The following NEGR1 variants were observed in gnomAD, a reference collection of about 807,000 sequenced individuals.
The protein encoded by NEGR1 is neuronal growth regulator 1.
NEGR1 carries 10 observed loss-of-function variants against 40.9 expected under a neutral mutation model. That is an observed-to-expected ratio of 0.24 (90% CI 0.15 to 0.42). NEGR1 has a LOEUF of 0.42. Ranked by LOEUF, NEGR1 falls within the 10% of genes least tolerant of loss-of-function variation. NEGR1 has a pLI of 1.00. For missense variants in NEGR1, 352 were observed against 438.9 expected (o/e 0.80, Z 1.77); for synonymous variants, 185 against 166.8 (o/e 1.11, Z -0.84).
At chr1:71,658,576 T>C (rs1360590313) in intron 4 of NEGR1, among the ~76,000 whole-genome samples, 1 of 152,140 alleles carries the variant, frequency 6.6e-6, no homozygotes, top group Non-Finnish European at 1.5e-5. Flanking sequence ...ATCTCATGCA[T>C]GTAATTTCTT....
At chr1:71,902,705 T>C (rs571805199) in intron 2 of NEGR1, among the ~76,000 whole-genome samples, 1 of 152,294 alleles carries the variant, frequency 6.6e-6, no homozygotes, top group East Asian at 1.9e-4. Flanking sequence ...TAATTACATA[T>C]TTGTAAGGTC....
At chr1:72,113,423 T>A (rs1649454784) in intron 1 of NEGR1, among the ~76,000 whole-genome samples, 1 of 144,112 alleles carries the variant, frequency 6.9e-6, no homozygotes, top group Non-Finnish European at 1.6e-5. Context: ...TAGAAGTGAG[T>A]AAGCTTTTAT....
intron 2 of NEGR1, among the ~76,000 whole-genome samples, chr1:71,802,166 A>G (rs1172768196): frequency 1.3e-5 from 2 of 152,206 alleles, no homozygotes; most frequent in Admixed American, 6.5e-5. Context: ...CTTACTGCTT[A>G]AGATAAAATG....
intron 2 of NEGR1, among the ~76,000 whole-genome samples, chr1:71,848,706 T>C (rs897864500): frequency 6.6e-6 from 1 of 152,216 alleles, no homozygotes; most frequent in African/African-American, 2.4e-5. Context: ...AGGAGATTAA[T>C]GTTGCTTTCA....
At chr1:71,662,983 G>T (rs1194975908) in intron 4 of NEGR1, among the ~76,000 whole-genome samples, 1 of 151,370 alleles carries the variant, frequency 6.6e-6, no homozygotes, top group Non-Finnish European at 1.5e-5. Context: ...TTGAGACGGG[G>T]TCTCGTTCTG....
intron 1 of NEGR1, among the ~76,000 whole-genome samples, chr1:72,047,503 T>G (rs1905976): frequency 0.44 from 66,064 of 151,002 alleles, 14,918 homozygotes; most frequent in Non-Finnish European, 0.48. Context: ...AAGCTTAATA[T>G]GCATCAGATA....
chr1:72,208,010 C>T (rs1653472231), intron 1 of NEGR1, among the ~76,000 whole-genome samples: 1 of 151,644 alleles, frequency 6.6e-6, no homozygotes, highest in South Asian at 2.1e-4. Flanking sequence ...TGACACAATT[C>T]CATTCCACAT....
chr1:71,649,330 C>T (rs1570150219), intron 4 of NEGR1, among the ~76,000 whole-genome samples: 1 of 152,158 alleles, frequency 6.6e-6, no homozygotes, highest in East Asian at 1.9e-4. Context: ...TCTGATGACC[C>T]AGGAATTCCA....
intron 1 of NEGR1, among the ~76,000 whole-genome samples, chr1:72,031,669 G>C (rs1646859922): frequency 6.6e-6 from 1 of 152,084 alleles, no homozygotes; most frequent in Non-Finnish European, 1.5e-5. Flanking sequence ...TTTATTTACT[G>C]GTGAGAATAC....
chr1:71,850,133 CTTTTTTTG>C (rs59002423), intron 2 of NEGR1, among the ~76,000 whole-genome samples: 37,790 of 149,390 alleles, frequency 0.25, 4,878 homozygotes, highest in East Asian at 0.5. Flanking sequence ...AATCTACTGT[CTTTTTTTG>C]TTTGTTTGTT....
At chr1:72,206,461 T>C (rs1653401730) in intron 1 of NEGR1, among the ~76,000 whole-genome samples, 1 of 152,142 alleles carries the variant, frequency 6.6e-6, no homozygotes, top group Admixed American at 6.6e-5. Flanking sequence ...CATAATTTGA[T>C]GCTGCTATTT....
intron 4 of NEGR1, among the ~76,000 whole-genome samples, chr1:71,685,883 T>C (rs1029527521): frequency 6.6e-6 from 1 of 152,216 alleles, no homozygotes; most frequent in Non-Finnish European, 1.5e-5. Context: ...ATCTTGTTTA[T>C]GCCAATTTTT....
intron 5 of NEGR1, among the ~76,000 whole-genome samples, chr1:71,598,188 T>C (rs778726382): frequency 6.6e-4 from 101 of 152,264 alleles, no homozygotes; most frequent in Non-Finnish European, 1.4e-3. Context: ...AAGTAGCAAC[T>C]GACATTCAAA....
chr1:71,546,168 T>C (rs1363562443), intron 6 of NEGR1, among the ~76,000 whole-genome samples: 2 of 151,758 alleles, frequency 1.3e-5, no homozygotes, highest in African/African-American at 4.8e-5. Context: ...GTAAAGGTGA[T>C]TTGATCCAAC....
At chr1:72,121,948 T>C (rs531792921) in intron 1 of NEGR1, among the ~76,000 whole-genome samples, 3 of 152,086 alleles carry the variant, frequency 2.0e-5, no homozygotes, top group Admixed American at 6.6e-5. Context: ...TTAAGGTTCA[T>C]ATGCAAATAA....
Position 71,403,943 on chromosome 1 carries a change from T to C in NEGR1, c.*3503A>G. 2.7e-6 allele frequency: 1 copy of C among 371,694 alleles called. No homozygotes were observed. Among genetic ancestry groups the C allele is most frequent in the African/African-American group, 2.1e-5 (1 of 48,172 alleles). 23.0% of individuals were successfully genotyped at this position (371,694 alleles called of 1,614,324 possible). ...CTGTACATCCACATACTTCAATAAA[T>C]AGTTAAAAACCTGACCTCTTTTTAA... On this transcript the variant is annotated 3_prime_UTR_variant, in exon 7 of 7. Coordinates refer to ENST00000357731, the MANE Select transcript of NEGR1 (RefSeq NM_173808.3).
At chr1:72,058,730 GA>G (rs1329966119) in intron 1 of NEGR1, among the ~76,000 whole-genome samples, 22 of 151,504 alleles carry the variant, frequency 1.5e-4, no homozygotes, top group Non-Finnish European at 3.2e-4. Flanking sequence ...TTATCGCTGT[GA>G]AAAAAATCAA....
At chr1:71,536,336 G>A (rs1647512395) in intron 6 of NEGR1, among the ~76,000 whole-genome samples, 1 of 151,688 alleles carries the variant, frequency 6.6e-6, no homozygotes, top group African/African-American at 2.4e-5. Context: ...ATGGCTTGAT[G>A]AAATTCTCTC....
chr1:71,998,109 T>C (rs532353770), intron 1 of NEGR1, among the ~76,000 whole-genome samples: 3 of 151,958 alleles, frequency 2.0e-5, no homozygotes, highest in Admixed American at 6.6e-5. Context: ...ACGTAAAGGA[T>C]AAACACTAGG....
Sources: gnomAD v4.1 joint callset for allele counts (sites outside exome capture counted in the v4.1 genomes callset) on GRCh38, gnomAD v4.1.1 for gene constraint, MANE v1.5 for transcripts, NCBI Gene and HGNC (gene_info 2026-07-23, HGNC 2026-07-21) for gene names.